SRP54: variants seen among roughly 807,000 people sequenced by gnomAD.
SRP54 encodes the protein signal recognition particle subunit SRP54.
In SRP54, 10 loss-of-function variants were observed where a neutral mutation model predicts 64.8. The ratio of observed to expected loss-of-function variants is 0.15; its 90% CI spans 0.10 to 0.26. The LOEUF is 0.26. SRP54 is among the 10% of genes least tolerant of loss of function. The pLI, the probability that SRP54 is intolerant of heterozygous loss-of-function variation, is 1.00. For synonymous variants in SRP54, 193 were observed against 185.6 expected, an observed-to-expected ratio of 1.04 and a Z score of -0.32; for missense variants, 325 against 613.7, an observed-to-expected ratio of 0.53 and a Z score of 4.97.
chr14:34,991,433 G>A (rs546265463), intron 1 of SRP54, among the ~76,000 whole-genome samples: 2 of 144,946 alleles, frequency 1.4e-5, no homozygotes, highest in African/African-American at 5.1e-5. Context: ...CCTGGCCACA[G>A]CTTACATTTC....
chr14:35,024,974 G>A (rs767144020), intron 14 of SRP54, among the ~76,000 whole-genome samples: 2 of 152,086 alleles, frequency 1.3e-5, no homozygotes, highest in South Asian at 2.1e-4. Context: ...CAAGTGATTC[G>A]CCCGCCTTAG....
intron 1 of SRP54, among the ~76,000 whole-genome samples, chr14:34,990,679 T>C (rs2043962982): frequency 6.6e-6 from 1 of 152,226 alleles, no homozygotes; most frequent in Non-Finnish European, 1.5e-5. Context: ...AGATTTAGGC[T>C]TAGCTATTAA....
intron 3 of SRP54, among the ~76,000 whole-genome samples, chr14:35,000,548 T>C (rs1310030620): frequency 2.7e-5 from 4 of 145,614 alleles, no homozygotes; most frequent in Non-Finnish European, 4.5e-5. Context: ...TCCTGGCTGA[T>C]AGTGAGACTG....
chr14:35,000,943 A>G lies in SRP54; in HGVS notation c.178A>G (p.Ile60Val), dbSNP rs968541224. 3.2e-6 allele frequency: 5 copies of G among 1,580,270 alleles called. No individual in the cohort carries two copies. Among genetic ancestry groups the G allele is most frequent in the Admixed American group, 1.9e-5 (1 of 53,818 alleles). The change falls in exon 4 of 16, where the codon ATT becomes GTT. Residue 60 changes from isoleucine to valine, a missense_variant. Physicochemically the swap from Ile to Val is conservative, Grantham distance 29. Around this residue, in one of 3 missense-constraint regions of SRP54, gnomAD observed 156 missense variants for 254.6 expected, o/e 0.61. Transcript: ENST00000216774. The part of the protein sequence containing the change: ...KQLRENVKSA[I>V]DLEEMASGLN... ...CCAACCACCATCATAAAGGTCTGCT[A>G]TTGATCTTGAAGAGATGGCATCTGG...
intron 12 of SRP54, 58 bp from the exon 13 acceptor site, chr14:35,018,908 G>A (rs996259769): frequency 1.3e-6 from 2 of 1,496,066 alleles, no homozygotes; most frequent in Non-Finnish European, 1.9e-6. Flanking sequence ...GTTAAATGTG[G>A]ACATTTTGAA....
intron 4 of SRP54, chr14:35,004,573 T>C (rs1269038697): frequency 6.6e-6 from 1 of 152,246 alleles, no homozygotes; most frequent in East Asian, 1.9e-4. Flanking sequence ...CTTTACAAAC[T>C]ACCATGATTA....
rs756570690 is a variant in SRP54 at position 35,019,040 on chromosome 14, A to G, written c.1122A>G (p.Lys374=). The G allele has an allele frequency of 1.9e-6, 3 of 1,613,658 alleles. No homozygotes were observed. The highest frequency in any genetic ancestry group is 1.1e-5 in the South Asian group (1 of 91,062). The change falls in exon 13 of 16, where the codon AAA becomes AAG. Residue 374 remains lysine, a synonymous_variant. Coordinates refer to ENST00000216774, the MANE Select transcript of SRP54 (RefSeq NM_003136.4). The part of the protein sequence containing the change: ...NEQESMARLK[K]LMTIMDSMND... Reference sequence around the variant, plus strand: ...AGGAGTCAATGGCAAGGCTAAAGAAATTAATGACAATAATGGATAGTATGA... The same window carrying G: ...AGGAGTCAATGGCAAGGCTAAAGAAGTTAATGACAATAATGGATAGTATGA...
At chr14:35,020,758 C>T (rs2139020079) in intron 13 of SRP54, among the ~76,000 whole-genome samples, 1 of 152,286 alleles carries the variant, frequency 6.6e-6, no homozygotes, top group East Asian at 1.9e-4. Context: ...CTGTGCCAGG[C>T]ACTGTCCTGA....
chr14:35,000,274 CAT>C (rs1401003122), intron 3 of SRP54, among the ~76,000 whole-genome samples: 7 of 151,928 alleles, frequency 4.6e-5, no homozygotes, highest in Admixed American at 2.0e-4. Context: ...AGCATTTAGA[CAT>C]AGAGGAAGTA....
chr14:35,022,440 T>G (rs2044549369), intron 13 of SRP54, among the ~76,000 whole-genome samples: 2 of 151,944 alleles, frequency 1.3e-5, no homozygotes, highest in African/African-American at 4.8e-5. Flanking sequence ...CACTGCAACC[T>G]CTGCCTCCCA....
chr14:34,985,487 C>T (rs920816849), intron 1 of SRP54, among the ~76,000 whole-genome samples: 28 of 152,116 alleles, frequency 1.8e-4, no homozygotes, highest in African/African-American at 6.8e-4. Flanking sequence ...CATGAATTAG[C>T]CCTTAACCCT....
chr14:35,008,295 A>G (rs893968356), intron 5 of SRP54, among the ~76,000 whole-genome samples: 3 of 151,746 alleles, frequency 2.0e-5, no homozygotes, highest in Admixed American at 6.6e-5. Flanking sequence ...AGCTTCACGT[A>G]TGTTACAGTT....
At position 34,983,112 on chromosome 14, in the gene SRP54, C is replaced by T. The variant is rs1450566692; in HGVS notation, c.-137C>T. 3.3e-5 allele frequency: 5 copies of T among 152,354 alleles called. No homozygotes were observed. The highest frequency in any genetic ancestry group is 4.4e-5 in the Non-Finnish European group (3 of 68,158). 9.4% of individuals were successfully genotyped at this position (152,354 alleles called of 1,614,324 possible). ...GGGAAGTTGGGTTGTGGGGTCATAC[C>T]TGTCTGTCTGCTCCCAGCTTTCTTG... On this transcript the variant is annotated 5_prime_UTR_variant, in exon 1 of 16. Coordinates refer to ENST00000216774, the MANE Select transcript of SRP54 (RefSeq NM_003136.4).
At chr14:34,990,642 A>G (rs1467445609) in intron 1 of SRP54, among the ~76,000 whole-genome samples, 1 of 139,118 alleles carries the variant, frequency 7.2e-6, no homozygotes, top group Admixed American at 9.3e-5. Context: ...TTGAGAGTGT[A>G]CTTGAATTGT....
At chr14:35,019,332 A>G (rs189046130) in intron 13 of SRP54, 5 of 262,326 alleles carry the variant, frequency 1.9e-5, no homozygotes, top group Admixed American at 4.8e-5. Flanking sequence ...TGATGTTCAT[A>G]GAGTTAACTT....
Position 35,023,824 on chromosome 14 carries a change from T to A in SRP54, c.1327+744T>A, listed in dbSNP as rs1340332029. ...CACACACACACACACACACACACAC[T>A]TCTTCTGAGTAATACTGTTTAAGTT... On this transcript the variant is annotated intron_variant, in intron 14 of 15. Coordinates refer to ENST00000216774, the MANE Select transcript of SRP54 (RefSeq NM_003136.4). Among the ~76,000 whole-genome samples the A allele has an allele frequency of 6.6e-4, 64 of 96,588 alleles. 1 individual carries two copies. 63.4% of individuals were successfully genotyped at this position (96,588 alleles called of 152,430 possible).
At chr14:35,027,450 T>C (rs148453097) in intron 14 of SRP54, among the ~76,000 whole-genome samples, 4 of 152,324 alleles carry the variant, frequency 2.6e-5, no homozygotes, top group Non-Finnish European at 4.4e-5. Context: ...GCCGTTGTTA[T>C]AGCTTACTAT....
At position 35,029,118 on chromosome 14, in the gene SRP54, A is replaced by G; in HGVS notation, c.1481A>G (p.Asn494Ser). The part of the protein sequence containing the change: ...MRQFQQGAAG[N>S]MKGMMGFNNM ...CAGTTTCAACAGGGTGCTGCTGGCA[A>G]CATGAAAGGCATGATGGGATTCAAT... is the stretch of plus-strand genomic sequence containing the variant. The change falls in exon 16 of 16, where the codon AAC becomes AGC. Residue 494 changes from asparagine (N) to serine (S), a missense_variant. Transcript: ENST00000216774. 1 of 1,614,072 alleles carries G rather than the reference A, an allele frequency of 6.2e-7. No individual in the cohort carries two copies. The highest frequency in any genetic ancestry group is 1.1e-5 in the South Asian group (1 of 91,072).
At chr14:35,019,118 A>G (rs373710311) in intron 13 of SRP54, 44 bp downstream of exon 13, 85 of 1,330,236 alleles carry the variant, frequency 6.4e-5, no homozygotes, top group Non-Finnish European at 8.8e-5. Flanking sequence ...TGTTCTGAGT[A>G]TCAGTAAGAT....
Sources: gnomAD v4.1 joint callset for allele counts (sites outside exome capture counted in the v4.1 genomes callset) on GRCh38, gnomAD v4.1.1 for gene constraint, gnomAD v4.1.1 regional missense constraint, MANE v1.5 for transcripts, NCBI Gene and HGNC (gene_info 2026-07-23, HGNC 2026-07-21) for gene names.